CFDP1: variants seen among roughly 807,000 people sequenced by gnomAD.
The protein encoded by CFDP1 is heterochromatin-stabilizing protein CFDP1.
A neutral mutation model predicts 40.1 loss-of-function variants in CFDP1; 31 were observed. The ratio of observed to expected loss-of-function variants is 0.77; its 90% confidence interval spans 0.58 to 1.04. The LOEUF (loss-of-function observed/expected upper bound fraction) is 1.04. CFDP1 is among the 50% of genes least tolerant of loss of function. CFDP1 has a pLI of 0.00. For missense variants in CFDP1, 423 were observed against 343.4 expected (o/e 1.23, Z -1.83); for synonymous variants, 167 against 120.0 (o/e 1.39, Z -2.56).
chr16:75,399,075 A>AG (rs1567672099), intron 4 of CFDP1, among the ~76,000 whole-genome samples: 3 of 148,990 alleles, frequency 2.0e-5, no homozygotes, highest in Non-Finnish European at 1.5e-5. Flanking sequence ...AAAAAAAAAA[A>AG]AAAAGAAAAC....
Position 75,312,714 on chromosome 16 carries a change from CCT to C in CFDP1, c.651-7534_651-7533del, listed in dbSNP as rs1163438334. 3.3e-5 allele frequency among the ~76,000 whole-genome samples: 5 copies of C among 152,128 alleles called. No homozygotes were observed. The South Asian group carries it at 8.3e-4, about 25-fold the overall frequency. On this transcript the variant is annotated intron_variant, in intron 5 of 6. Transcript: ENST00000283882. ...GTTGTTGAGCAGAGGTGTGTTTTGC[CCT>C]GTTCTGGCCTCTCAGCTGACTGTCA...
chr16:75,389,075 G>C (rs191855216), intron 5 of CFDP1, among the ~76,000 whole-genome samples: 1 of 152,282 alleles, frequency 6.6e-6, no homozygotes, highest in Non-Finnish European at 1.5e-5. Flanking sequence ...AAGTCAATGC[G>C]TAAGGGTAGG....
intron 5 of CFDP1, among the ~76,000 whole-genome samples, chr16:75,365,235 G>A (rs2078705552): frequency 6.6e-6 from 1 of 152,168 alleles, no homozygotes; most frequent in East Asian, 1.9e-4. Flanking sequence ...AGTCAAAAAA[G>A]AAGCTATTAT....
intron 5 of CFDP1, among the ~76,000 whole-genome samples, chr16:75,334,819 G>T (rs1275106711): frequency 6.6e-6 from 1 of 152,138 alleles, no homozygotes; most frequent in African/African-American, 2.4e-5. Context: ...GCCAGGTGTG[G>T]TGGTGCATGC....
At chr16:75,297,356 C>T (rs931634070) in intron 6 of CFDP1, among the ~76,000 whole-genome samples, 6 of 152,134 alleles carry the variant, frequency 3.9e-5, no homozygotes, top group African/African-American at 1.4e-4. Flanking sequence ...TTTACCTCTA[C>T]AGAACCTCAA....
At chr16:75,419,090 C>T in intron 1 of CFDP1, 3 of 416,636 alleles carry the variant, frequency 7.2e-6, no homozygotes, top group South Asian at 3.4e-5. Context: ...CTACAGTAAG[C>T]AGGACGCCGA....
At position 75,316,638 on chromosome 16, in the gene CFDP1, C is replaced by G. The variant is rs990628827; in HGVS notation, c.651-11456G>C. Among the ~76,000 whole-genome samples the G allele has an allele frequency of 2.7e-5, 4 of 150,236 alleles. No homozygotes were observed. In the East Asian group the frequency reaches 7.9e-4, roughly 30 times the overall value. ...AAAATACAAATATTCAGGAAATCCCCAAAGGAGAGTAAAGCTCTAGCTGTA... is the reference window on the plus strand; with the variant it reads ...AAAATACAAATATTCAGGAAATCCCGAAAGGAGAGTAAAGCTCTAGCTGTA... On this transcript the variant is annotated intron_variant, in intron 5 of 6. Transcript: ENST00000283882.
chr16:75,348,629 T>C (rs2078586698), intron 5 of CFDP1, among the ~76,000 whole-genome samples: 1 of 151,988 alleles, frequency 6.6e-6, no homozygotes, highest in African/African-American at 2.4e-5. Context: ...GCAGTAATTA[T>C]TTACTGCAAG....
intron 5 of CFDP1, among the ~76,000 whole-genome samples, chr16:75,350,712 CA>C (rs1156383562): frequency 6.6e-6 from 1 of 151,940 alleles, no homozygotes; most frequent in Admixed American, 6.6e-5. Flanking sequence ...ACTAATTGAA[CA>C]AACTGGTAAT....
intron 1 of CFDP1, among the ~76,000 whole-genome samples, chr16:75,430,382 A>G (rs889633700): frequency 2.6e-5 from 4 of 151,870 alleles, no homozygotes; most frequent in African/African-American, 9.7e-5. Flanking sequence ...TGTTGGCCAG[A>G]CTGGTCTCCA....
chr16:75,424,755 C>CAAA (rs34126287), intron 1 of CFDP1, among the ~76,000 whole-genome samples: 4 of 129,436 alleles, frequency 3.1e-5, no homozygotes, highest in African/African-American at 8.9e-5. Flanking sequence ...GACTCCGTCT[C>CAAA]AAAAAAAAAA....
At chr16:75,353,495 G>A (rs1417736885) in intron 5 of CFDP1, among the ~76,000 whole-genome samples, 1 of 152,052 alleles carries the variant, frequency 6.6e-6, no homozygotes, top group Non-Finnish European at 1.5e-5. Flanking sequence ...GGGGGCGGTG[G>A]CTCACGCCTG....
Position 75,412,700 on chromosome 16 carries a change from A to T in CFDP1, c.237T>A (p.Asn79Lys). ...SLEEEEEEDANSESEGSSSEE... is the reference protein window; with the variant it reads ...SLEEEEEEDAKSESEGSSSEE... ...CACTACTGCTTCCCTCAGATTCTGA[A>T]TTGGCATCCTCCTCTTCCTCTTCTT... is the stretch of plus-strand genomic sequence containing the variant. The change falls in exon 3 of 7, where the codon AAT (asparagine) becomes AAA (lysine). Residue 79 changes from asparagine (N) to lysine (K), a missense_variant. Transcript: ENST00000283882. The T allele has an allele frequency of 3.1e-6, 5 of 1,614,072 alleles. No homozygotes were observed. Among genetic ancestry groups the T allele is most frequent in the Non-Finnish European group, 4.2e-6 (5 of 1,180,024 alleles).
chr16:75,430,221 A>G (rs562840021), intron 1 of CFDP1, among the ~76,000 whole-genome samples: 13 of 151,248 alleles, frequency 8.6e-5, no homozygotes, highest in African/African-American at 3.2e-4. Context: ...CCCAGGCTGG[A>G]GTGCAGTGGC....
At chr16:75,294,449 A>G (rs2078167645) in intron 6 of CFDP1, among the ~76,000 whole-genome samples, 1 of 152,098 alleles carries the variant, frequency 6.6e-6, no homozygotes, top group South Asian at 2.1e-4. Context: ...TCTTGGCTTT[A>G]GTGGTGTGTT....
At chr16:75,385,929 C>T (rs1319614157) in intron 5 of CFDP1, among the ~76,000 whole-genome samples, 1 of 152,070 alleles carries the variant, frequency 6.6e-6, no homozygotes, top group East Asian at 1.9e-4. Flanking sequence ...ATACCTATTC[C>T]ATTCTTCCCT....
chr16:75,425,046 TACAA>T (rs1374181973), intron 1 of CFDP1, among the ~76,000 whole-genome samples: 3 of 151,918 alleles, frequency 2.0e-5, no homozygotes, highest in South Asian at 4.2e-4. Context: ...ATATACTAGT[TACAA>T]ACAATTAGAA....
At chr16:75,423,433 C>T (rs758823106) in intron 1 of CFDP1, among the ~76,000 whole-genome samples, 10 of 152,020 alleles carry the variant, frequency 6.6e-5, no homozygotes, top group Non-Finnish European at 1.2e-4. Flanking sequence ...GGTAATCAAG[C>T]GATTCTCGTG....
chr16:75,377,009 G>A (rs2078804903), intron 5 of CFDP1, among the ~76,000 whole-genome samples: 2 of 152,220 alleles, frequency 1.3e-5, no homozygotes, highest in Non-Finnish European at 2.9e-5. Flanking sequence ...CTCTGCAGGA[G>A]CAGTCAAGGA....
Sources: allele counts gnomAD v4.1 joint callset (sites outside exome capture counted in the v4.1 genomes callset), GRCh38; gene constraint gnomAD v4.1.1; transcripts MANE v1.5; gene names NCBI Gene and HGNC (gene_info 2026-07-23, HGNC 2026-07-21).